ASIC2: variants seen among roughly 807,000 people sequenced by gnomAD.
ASIC2 encodes the protein acid-sensing ion channel 2.
In ASIC2, 25 loss-of-function variants were observed where a neutral mutation model predicts 57.3. The observed-to-expected ratio is 0.44, with a 90% confidence interval of 0.32 to 0.61. ASIC2 has a LOEUF of 0.61. Ranked by LOEUF, ASIC2 falls within the 20% of genes least tolerant of loss-of-function variation. The probability of loss-of-function intolerance (pLI) is 0.06; values close to 1 mark genes in which losing one functional copy is unlikely to be tolerated. For missense variants in ASIC2, 641 were observed against 738.1 expected (o/e 0.87, Z 1.52); for synonymous variants, 319 against 307.5 (o/e 1.04, Z -0.39).
chr17:33,018,382 T>A (rs2091818439), intron 7 of ASIC2, among the ~76,000 whole-genome samples: 1 of 152,230 alleles, frequency 6.6e-6, no homozygotes, highest in South Asian at 2.1e-4. Context: ...GGGGTCTGGA[T>A]GTCGGGATTT....
intron 1 of ASIC2, among the ~76,000 whole-genome samples, chr17:33,654,150 C>T (rs1178981988): frequency 2.0e-5 from 3 of 152,190 alleles, no homozygotes; most frequent in Non-Finnish European, 4.4e-5. Context: ...AAGGTGCTGT[C>T]TGGCTAGAAC....
At chr17:33,928,233 C>A (rs1338435891) in intron 1 of ASIC2, among the ~76,000 whole-genome samples, 1 of 152,204 alleles carries the variant, frequency 6.6e-6, no homozygotes, top group East Asian at 1.9e-4. Context: ...TGCCCATTGG[C>A]GACCTTTCGA....
chr17:34,016,771 C>T lies in ASIC2; in HGVS notation c.555+139207G>A, dbSNP rs1906995730. Among the ~76,000 whole-genome samples the T allele has an allele frequency of 2.0e-5, 3 of 152,250 alleles. No individual in the cohort carries two copies. In the South Asian group the frequency reaches 6.2e-4, roughly 32 times the overall value. Reference sequence around the variant, plus strand: ...ACTTTGACTTTCATTTTCTACCCTCCTGCAGTGTTTGGATATTTGTATCAT... The same window carrying T: ...ACTTTGACTTTCATTTTCTACCCTCTTGCAGTGTTTGGATATTTGTATCAT... On this transcript the variant is annotated intron_variant, in intron 1 of 9. Coordinates refer to the ASIC2 transcript ENST00000359872.
intron 1 of ASIC2, among the ~76,000 whole-genome samples, chr17:33,879,842 C>A (rs561856378): frequency 2.0e-5 from 3 of 152,162 alleles, no homozygotes; most frequent in Non-Finnish European, 4.4e-5. Context: ...CAAAACTGAC[C>A]ACATAGTTGG....
At chr17:33,176,551 A>C (rs372869506) in intron 1 of ASIC2, among the ~76,000 whole-genome samples, 21 of 152,272 alleles carry the variant, frequency 1.4e-4, no homozygotes, top group African/African-American at 5.1e-4. Context: ...CACGTTGCCC[A>C]GGCTGGGGTC....
intron 3 of ASIC2, among the ~76,000 whole-genome samples, chr17:33,039,346 C>T (rs60369495): frequency 0.019 from 2,869 of 152,262 alleles, 98 homozygotes; most frequent in African/African-American, 0.065. Context: ...CTGGCCTGGC[C>T]TCCTCCCTTT....
Position 33,292,635 on chromosome 17 carries a change from G to A in ASIC2, c.-520C>T, listed in dbSNP as rs1192940725. On this transcript the variant is annotated 5_prime_UTR_variant, in exon 1 of 10. Transcript: ENST00000225823. ...CCACCAGCCCGGCCCGTAGCCCAGC[G>A]GTGCTGGGACACGGGAGAGAAGGCG... 4 of 985,534 alleles carry A rather than the reference G, an allele frequency of 4.1e-6. No homozygotes were observed. The highest frequency in any genetic ancestry group is 6.1e-5 in the Admixed American group (1 of 16,272). The allele number at this position is 985,534 out of a possible 1,614,324, so 61.0% of individuals were successfully genotyped here. A position where few individuals can be genotyped will look rare whatever the true frequency, so the allele number is the denominator to read the frequency against.
intron 1 of ASIC2, among the ~76,000 whole-genome samples, chr17:34,042,597 G>A (rs1315777000): frequency 2.0e-5 from 3 of 152,046 alleles, no homozygotes; most frequent in Non-Finnish European, 4.4e-5. Context: ...AAGGACAGAA[G>A]AAAACATTGA....
chr17:33,562,221 A>ATT (rs3032156), intron 1 of ASIC2, among the ~76,000 whole-genome samples: 13 of 149,954 alleles, frequency 8.7e-5, no homozygotes, highest in Non-Finnish European at 1.6e-4. Flanking sequence ...CTTGTAACAC[A>ATT]TTTTTTTTTT....
At chr17:33,782,351 G>A (rs1036625699) in intron 1 of ASIC2, among the ~76,000 whole-genome samples, 3 of 146,474 alleles carry the variant, frequency 2.0e-5, no homozygotes, top group African/African-American at 7.5e-5. Flanking sequence ...GGTTTAGATT[G>A]AAGTTCCTTT....
chr17:33,206,101 C>A (rs1308612975), intron 1 of ASIC2, among the ~76,000 whole-genome samples: 1 of 152,174 alleles, frequency 6.6e-6, no homozygotes, highest in African/African-American at 2.4e-5. Context: ...CCACAGGAGG[C>A]CACCTGGAGA....
At chr17:33,621,649 G>A (rs932817061) in intron 1 of ASIC2, among the ~76,000 whole-genome samples, 2 of 152,178 alleles carry the variant, frequency 1.3e-5, no homozygotes, top group Non-Finnish European at 2.9e-5. Flanking sequence ...TGTGCCTTGG[G>A]GTCAGTGTGT....
intron 1 of ASIC2, among the ~76,000 whole-genome samples, chr17:33,847,465 A>G (rs1381484271): frequency 6.6e-6 from 1 of 152,072 alleles, no homozygotes; most frequent in African/African-American, 2.4e-5. Context: ...TGCAATTCTC[A>G]GCAACTAATC....
In ASIC2 at chr17:33,892,825, C is replaced by G. The variant is rs959347986; in HGVS notation, c.555+263153G>C. On this transcript the variant is annotated intron_variant, in intron 1 of 9. Transcript: ENST00000359872. ...TACAGTTTTTCCATTTGCAGAGCCC[C>G]GAGCTGCCTGTGCTCCGCTGGTGAC... 3.3e-5 allele frequency among the ~76,000 whole-genome samples: 5 copies of G among 152,156 alleles called. No individual in the cohort carries two copies. In the South Asian group the frequency reaches 1.0e-3, roughly 32 times the overall value.
At chr17:33,551,299 G>A (rs1337313359) in intron 1 of ASIC2, among the ~76,000 whole-genome samples, 2 of 152,120 alleles carry the variant, frequency 1.3e-5, no homozygotes, top group East Asian at 3.9e-4. Context: ...TTCTGGTGGT[G>A]GTGGCTGTGG....
At chr17:33,206,918 G>A (rs886262579) in intron 1 of ASIC2, among the ~76,000 whole-genome samples, 1 of 152,248 alleles carries the variant, frequency 6.6e-6, no homozygotes. Flanking sequence ...GAGAGCTCAC[G>A]GGATGGGGAG....
intron 1 of ASIC2, among the ~76,000 whole-genome samples, chr17:33,579,201 G>C (rs981934308): frequency 6.7e-6 from 1 of 150,026 alleles, no homozygotes; most frequent in Admixed American, 6.7e-5. Flanking sequence ...CAGGAGAATC[G>C]CTTGAACCCG....
intron 2 of ASIC2, among the ~76,000 whole-genome samples, chr17:33,106,233 G>C (rs1476113166): frequency 6.6e-6 from 1 of 152,156 alleles, no homozygotes; most frequent in Non-Finnish European, 1.5e-5. Flanking sequence ...TAGGAGCTGA[G>C]GAAGCTGGAG....
At chr17:33,538,256 ATGG>A (rs1251063140) in intron 1 of ASIC2, among the ~76,000 whole-genome samples, 1 of 152,132 alleles carries the variant, frequency 6.6e-6, no homozygotes, top group Non-Finnish European at 1.5e-5. Flanking sequence ...AGAGGTGAAA[ATGG>A]TGAATGATTA....
Sources: gnomAD v4.1 joint callset for allele counts (sites outside exome capture counted in the v4.1 genomes callset) on GRCh38, gnomAD v4.1.1 for gene constraint, MANE v1.5 for transcripts, NCBI Gene and HGNC (gene_info 2026-07-23, HGNC 2026-07-21) for gene names.